SUSD2: variants seen among roughly 807,000 people sequenced by gnomAD.
The protein encoded by SUSD2 is sushi domain-containing protein 2.
SUSD2 carries 86 observed loss-of-function variants against 93.8 expected under a neutral mutation model. The observed-to-expected ratio is 0.92, with a 90% CI of 0.77 to 1.10. The LOEUF is 1.10. Ranked by LOEUF, SUSD2 falls within the 50% of genes least tolerant of loss-of-function variation. The probability of loss-of-function intolerance (pLI) is 0.00; values close to 1 mark genes in which losing one functional copy is unlikely to be tolerated. For synonymous variants in SUSD2, 483 were observed against 485.0 expected, an observed-to-expected ratio of 1.00 and a Z score of 0.05; for missense variants, 1,060 against 1,137.0, an observed-to-expected ratio of 0.93 and a Z score of 0.97.
Position 24,185,648 on chromosome 22 carries a change from C to T in SUSD2, c.1071-13C>T, listed in dbSNP as rs1221031762. Reference sequence around the variant, plus strand: ...CCAACAGTGGCCTGGCCCTGACTCACTGGCTCCTGCAGCCTCCGGTACGGC... The same window carrying T: ...CCAACAGTGGCCTGGCCCTGACTCATTGGCTCCTGCAGCCTCCGGTACGGC... On this transcript the variant is annotated splice_polypyrimidine_tract_variant and intron_variant, in intron 7 of 14. Coordinates refer to ENST00000358321, the MANE Select transcript of SUSD2 (RefSeq NM_019601.4). 6 of 1,608,260 alleles carry T rather than the reference C, an allele frequency of 3.7e-6. No individual in the cohort carries two copies. The highest frequency in any genetic ancestry group is 1.7e-4 in the Middle Eastern group (1 of 6,046).
rs1411465070 is a variant in SUSD2, at chr22:24,186,275, C to G, written c.1502C>G (p.Thr501Ser). ...ACCGCAGGCACGGAGACCCGTGGCA[C>G]TGGGCTGACCGCAGTGGCCGTCCAG... ...TMSNGTETRG[T>S]GLTAVAVQEG... The change falls in exon 10 of 15, where the codon ACT becomes AGT. Residue 501 changes from threonine (T) to serine (S), a missense_variant. Physicochemically the swap from Thr to Ser is moderately conservative, Grantham distance 58. Around this residue, in one of 2 missense-constraint regions of SUSD2, gnomAD observed 973 missense variants for 1,005.3 expected, o/e 0.97. Transcript: ENST00000358321. 2 of 1,613,612 alleles carry G rather than the reference C, an allele frequency of 1.2e-6. No homozygotes were observed. Among genetic ancestry groups the G allele is most frequent in the South Asian group, 2.2e-5 (2 of 91,080 alleles).
chr22:24,189,002 G>A lies in SUSD2; in HGVS notation c.*566G>A, dbSNP rs5760244. The A allele has an allele frequency of 0.28, 43,175 of 152,448 alleles. 7,657 individuals carry two copies. Among genetic ancestry groups the A allele is most frequent in the African/African-American group, 0.5 (20,622 of 41,444 alleles). The allele number at this position is 152,448 out of a possible 1,614,324, so 9.4% of individuals were successfully genotyped here. A position where few individuals can be genotyped will look rare whatever the true frequency, so the allele number is the denominator to read the frequency against. On this transcript the variant is annotated 3_prime_UTR_variant, in exon 15 of 15. Transcript: ENST00000358321. Reference sequence around the variant, plus strand: ...GACAGCGAGACCCCCAGCGGCAGAGGCCTCCCTCGGCACTCCAGGCTTATA... The same window carrying A: ...GACAGCGAGACCCCCAGCGGCAGAGACCTCCCTCGGCACTCCAGGCTTATA...
In SUSD2 at chr22:24,188,414, AC is replaced by A; in HGVS notation, c.2448del (p.His816GlnfsTer89). 6.2e-7 allele frequency: 1 copy of A among 1,611,206 alleles called. No homozygotes were observed. The highest frequency in any genetic ancestry group is 8.5e-7 in the Non-Finnish European group (1 of 1,179,804). Reference protein sequence around the residue: ...VLLRRRKGNTHVWGAQP With the variant: ...VLLRRRKGNTXVWGAQP Reference sequence around the variant, plus strand: ...TTCTAACTGCGTTTCTGTTGCAGGCACGTCTGGGGTGCACAGCCCTGATGGG... The same window carrying A: ...TTCTAACTGCGTTTCTGTTGCAGGCAGTCTGGGGTGCACAGCCCTGATGGG... On this transcript the variant is annotated frameshift_variant, in exon 15 of 15. Transcript: ENST00000358321. LOFTEE classifies it high-confidence loss of function. This position sits in a 1 kb window ranked among gnomAD's most constrained non-coding sequence, Gnocchi z 4.7.
In SUSD2 at chr22:24,183,562, C is replaced by T. The variant is rs114362926; in HGVS notation, c.355C>T (p.Leu119=). The change falls in exon 3 of 15, where the codon CTG becomes TTG. Residue 119 remains leucine (L), a synonymous_variant. Transcript: ENST00000358321. ...CGGGCAAGTGCACTGTGTGTCACCT[C>T]TGCTCTATGAGAGCGGCCGCATCCC... is the stretch of plus-strand genomic sequence containing the variant. ...SSGQVHCVSP[L]LYESGRIPFT... 2,412 of 1,613,506 alleles carry T rather than the reference C, an allele frequency of 1.5e-3. 29 individuals are homozygous for T. The African/African-American group carries it at 0.028, about 19-fold the overall frequency.
At chr22:24,181,718 G>T in intron 1 of SUSD2, 123 bp downstream of exon 1, 1 of 768,458 alleles carries the variant, frequency 1.3e-6, no homozygotes, top group Non-Finnish European at 2.0e-6. Flanking sequence ...GCTGTGCTAG[G>T]GGTGATGGGA....
rs752703714 is a variant in SUSD2, at chr22:24,186,418, G to A, written c.1642+3G>A. ...GCAGAGCTGGATGGACCTGAAAGGT[G>A]AGCAGTCCAGCCACGCGAGGCTGCG... is the stretch of plus-strand genomic sequence containing the variant. On this transcript the variant is annotated splice_donor_region_variant and intron_variant, in intron 10 of 14. Transcript: ENST00000358321. The A allele has an allele frequency of 3.3e-5, 54 of 1,612,722 alleles. 1 individual carries two copies. The South Asian group carries it at 5.8e-4, about 17-fold the overall frequency.
intron 3 of SUSD2, chr22:24,183,875 G>A (rs1364034372): frequency 3.1e-6 from 2 of 649,592 alleles, no homozygotes; most frequent in Non-Finnish European, 5.2e-6. Context: ...AGAGAGGTGG[G>A]CCAGTGCCTA....
intron 1 of SUSD2, among the ~76,000 whole-genome samples, chr22:24,182,049 G>C (rs772573227): frequency 6.6e-6 from 1 of 151,526 alleles, no homozygotes; most frequent in Admixed American, 6.6e-5. Flanking sequence ...AGCATCTCTC[G>C]GCCTCCTCCC....
At chr22:24,181,623 CGTCT>C (rs1569338882) in intron 1 of SUSD2, 28 bp downstream of exon 1, 11 of 1,540,750 alleles carry the variant, frequency 7.1e-6, no homozygotes, top group Admixed American at 1.9e-5. Context: ...TCTGTGTCCC[CGTCT>C]GTCTGTCCAT....
At position 24,187,723 on chromosome 22, in the gene SUSD2, CTA is replaced by C. The variant is rs745627791; in HGVS notation, c.2046_2047del (p.Cys683TrpfsTer9). The part of the protein sequence containing the change: ...NPSLAQEAAK[L>X]CGDDHFCNFD... ...CAGCCTGGCACAAGAGGCAGCCAAA[CTA>C]TGTGGGGACGATCATTTCTGCAACT... On this transcript the variant is annotated frameshift_variant, in exon 12 of 15. Coordinates refer to ENST00000358321, the MANE Select transcript of SUSD2 (RefSeq NM_019601.4). LOFTEE classifies it high-confidence loss of function. 2.5e-6 allele frequency: 4 copies of C among 1,613,960 alleles called. No individual in the cohort carries two copies. The African/African-American group carries it at 5.3e-5, about 22-fold the overall frequency.
Position 24,187,338 on chromosome 22 carries a change from C to G in SUSD2, c.1779C>G (p.His593Gln). The G allele has an allele frequency of 6.2e-7, 1 of 1,614,112 alleles. No individual in the cohort carries two copies. The highest frequency in any genetic ancestry group is 1.6e-4 in the Middle Eastern group (1 of 6,062). The part of the protein sequence containing the change: ...LLPEKFLTHT[H>Q]GLLGTLNNDP... ...CTGAGAAGTTCCTCACCCACACCCA[C>G]GGCCTCCTCGGGACACTCAACAACG... The change falls in exon 11 of 15, where the codon CAC (histidine) becomes CAG (glutamine). Residue 593 changes from histidine (H) to glutamine (Q), a missense_variant. By Grantham distance (24) the His-to-Gln change is conservative. Coordinates refer to ENST00000358321, the MANE Select transcript of SUSD2 (RefSeq NM_019601.4).
intron 1 of SUSD2, among the ~76,000 whole-genome samples, chr22:24,182,349 G>A (rs2047330416): frequency 6.6e-6 from 1 of 152,124 alleles, no homozygotes. Flanking sequence ...TGGGCCCGGC[G>A]CCCACAGCCC....
rs932133369 is a variant in SUSD2, at chr22:24,188,499, G to A, written c.*63G>A. ...CTGAGAACAGGCAGCCCAGTCCTGC[G>A]ACTCCCGCATCCCCAGGACCAGACA... On this transcript the variant is annotated 3_prime_UTR_variant, in exon 15 of 15. Transcript: ENST00000358321. This position sits in a 1 kb window ranked among gnomAD's most constrained non-coding sequence, Gnocchi z 4.7. The A allele has an allele frequency of 1.1e-5, 17 of 1,515,180 alleles. No homozygotes were observed. Among genetic ancestry groups the A allele is most frequent in the African/African-American group, 1.4e-5 (1 of 73,066 alleles). The allele number at this position is 1,515,180 out of a possible 1,614,324, so 93.9% of individuals were successfully genotyped here.
chr22:24,185,024 G>A (rs1050208039), intron 5 of SUSD2, 70 bp from the exon 6 acceptor site: 18 of 1,611,544 alleles, frequency 1.1e-5, no homozygotes, highest in Non-Finnish European at 1.3e-5. Context: ...GCCCAGGCTG[G>A]GGGTGGGGAG....
chr22:24,185,400 G>C (rs2047355125), intron 6 of SUSD2, 86 bp from the exon 7 acceptor site: 5 of 1,537,332 alleles, frequency 3.3e-6, no homozygotes, highest in Non-Finnish European at 4.4e-6. Context: ...GTGGGGCTGG[G>C]GTCTCAGGAC....
chr22:24,183,517 C>T lies in SUSD2; in HGVS notation c.310C>T (p.Leu104Phe), dbSNP rs1476311461. 6.2e-7 allele frequency: 1 copy of T among 1,612,970 alleles called. No homozygotes were observed. Among genetic ancestry groups the T allele is most frequent in the Admixed American group, 1.7e-5 (1 of 60,014 alleles). The stretch of plus-strand genomic sequence containing the variant: ...CAGGTTTAAGGACAGCATCCAGACC[C>T]TCGGCCATGTGGACTCCTCCGGGCA... ...ICRFKDSIQT[L>F]GHVDSSGQVH... Residue 104 changes from leucine (L) to phenylalanine (F), a missense_variant, in exon 3 of 15, where the codon CTC becomes TTC. Physicochemically the swap from Leu to Phe is conservative, Grantham distance 22 (BLOSUM62 0). Around this residue, in one of 2 missense-constraint regions of SUSD2, gnomAD observed 973 missense variants for 1,005.3 expected, o/e 0.97. Coordinates refer to ENST00000358321, the MANE Select transcript of SUSD2 (RefSeq NM_019601.4).
At position 24,183,681 on chromosome 22, in the gene SUSD2, C is replaced by T. The variant is rs375642228; in HGVS notation, c.439+35C>T. 6.0e-5 allele frequency: 96 copies of T among 1,597,412 alleles called. No homozygotes were observed. The African/African-American group carries it at 8.9e-4, about 15-fold the overall frequency. On this transcript the variant is annotated intron_variant, in intron 3 of 14. Coordinates refer to ENST00000358321, the MANE Select transcript of SUSD2 (RefSeq NM_019601.4). ...CCTCCCTGCCCACAGCCTGCCCCCA[C>T]GGGGACTTTCCCCAGCGCTAATCTA...
Position 24,187,672 on chromosome 22 carries a change from T to C in SUSD2, c.1993T>C (p.Phe665Leu). 6.2e-7 allele frequency: 1 copy of C among 1,614,086 alleles called. No individual in the cohort carries two copies. Among genetic ancestry groups the C allele is most frequent in the Non-Finnish European group, 8.5e-7 (1 of 1,180,016 alleles). The change falls in exon 12 of 15, where the codon TTC becomes CTC. Residue 665 changes from phenylalanine (F) to leucine (L), a missense_variant. Phe to Leu is a conservative substitution (Grantham distance 22). This residue lies in a region of SUSD2 where 973 missense variants were observed against 1,005.3 expected (regional missense o/e 0.97). Coordinates refer to ENST00000358321, the MANE Select transcript of SUSD2 (RefSeq NM_019601.4). Reference sequence around the variant, plus strand: ...GCACGACCCCACCTTCGAGCCCCTCTTCCCCAGTGAGACCACCCTCAACCC... The same window carrying C: ...GCACGACCCCACCTTCGAGCCCCTCCTCCCCAGTGAGACCACCCTCAACCC... ...PKHDPTFEPL[F>L]PSETTLNPSL...
chr22:24,184,893 A>G lies in SUSD2; in HGVS notation c.735A>G (p.Arg245=). The G allele has an allele frequency of 6.2e-7, 1 of 1,613,846 alleles. No homozygotes were observed. The change falls in exon 5 of 15, where the codon CGA becomes CGG. Residue 245 remains arginine (R), a synonymous_variant. Transcript: ENST00000358321. Reference sequence around the variant, plus strand: ...CTCCTCCCAGCTACCAGAGATGGCGAGTGGGTGCACTTCGGATCATCGACA... The same window carrying G: ...CTCCTCCCAGCTACCAGAGATGGCGGGTGGGTGCACTTCGGATCATCGACA... ...KPAPPSYQRW[R]VGALRIIDSK... is the part of the protein sequence containing the mutation.
Sources: gnomAD v4.1 joint callset for allele counts (sites outside exome capture counted in the v4.1 genomes callset) on GRCh38, gnomAD v4.1.1 for gene constraint, gnomAD v4.1.1 regional missense constraint, Gnocchi (gnomAD v3.1) non-coding constraint, MANE v1.5 for transcripts, NCBI Gene and HGNC (gene_info 2026-07-23, HGNC 2026-07-21) for gene names.